The following ITIH4 variants were observed in gnomAD, a reference collection of about 807,000 sequenced individuals.
ITIH4 encodes the protein inter-alpha-trypsin inhibitor heavy chain H4.
Under a neutral mutation model 111.8 loss-of-function variants are expected in ITIH4, and 79 were observed. That is an observed-to-expected ratio of 0.71 (90% CI 0.59 to 0.85). The LOEUF (loss-of-function observed/expected upper bound fraction) is 0.85. Among genes scored for constraint, ITIH4 ranks in the 40% least tolerant of loss-of-function variants. ITIH4 has a pLI of 0.00. For missense variants in ITIH4, 1,065 were observed against 1,195.8 expected, an observed-to-expected ratio of 0.89 and a Z score of 1.61; for synonymous variants, 472 against 468.3, an observed-to-expected ratio of 1.01 and a Z score of -0.10.
Position 52,824,334 on chromosome 3 carries a change from C to G in ITIH4, c.1046-19G>C. ...TTGGTCCCTGAGGAACACGCACTCTCAAGGTGGTCCCCAGCCAGGAGCCCT... is the reference window on the plus strand; with the variant it reads ...TTGGTCCCTGAGGAACACGCACTCTGAAGGTGGTCCCCAGCCAGGAGCCCT... On this transcript the variant is annotated intron_variant, in intron 8 of 23. Transcript: ENST00000266041. The surrounding 1 kb of genome is among the most constrained non-coding windows in gnomAD (Gnocchi z 4.3). 2 of 1,612,310 alleles carry G rather than the reference C, an allele frequency of 1.2e-6. No homozygotes were observed. Among genetic ancestry groups the G allele is most frequent in the Non-Finnish European group, 8.5e-7 (1 of 1,178,636 alleles).
In ITIH4 at chr3:52,819,793, C is replaced by T; in HGVS notation, c.1913-1G>A. 1 of 1,614,124 alleles carries T rather than the reference C, an allele frequency of 6.2e-7. No individual in the cohort carries two copies. The highest frequency in any genetic ancestry group is 8.5e-7 in the Non-Finnish European group (1 of 1,180,012). The stretch of plus-strand genomic sequence containing the variant: ...CCTCTTCTTGGAGAAAAGGAAGCCT[C>T]TGTGTGGTCAAGTCCTGATCAGATA... On this transcript the variant is annotated splice_acceptor_variant, in intron 15 of 23. Transcript: ENST00000266041. LOFTEE classifies it high-confidence loss of function.
chr3:52,829,557 T>C (rs1700536495), intron 1 of ITIH4, among the ~76,000 whole-genome samples: 1 of 152,148 alleles, frequency 6.6e-6, no homozygotes, highest in Non-Finnish European at 1.5e-5. Flanking sequence ...GAGCACCCCT[T>C]GGAGAAGAAC....
At position 52,820,739 on chromosome 3, in the gene ITIH4, G is replaced by A. The variant is rs536029248; in HGVS notation, c.1726C>T (p.Leu576=). 12 of 1,614,070 alleles carry A rather than the reference G, an allele frequency of 7.4e-6. No individual in the cohort carries two copies. The South Asian group carries it at 1.2e-4, about 16-fold the overall frequency. The part of the protein sequence containing the change: ...ADQQALRNQA[L]NLSLAYSFVT... ...AAGCTGTAGGCAAGTGATAAATTCA[G>A]CGCTTGGTTCCGGAGGGCCTGCTGA... Residue 576 remains leucine (L), a synonymous_variant, in exon 13 of 24, where the codon CTG becomes TTG. Transcript: ENST00000266041.
rs1700525979 is a variant in ITIH4, at chr3:52,829,002, TC to T, written c.251+116del. ...GTGTGGCCCCAGGTGCAGGGTGTAC[TC>T]CTGAAGATGTACACCCTGGCATGCC... On this transcript the variant is annotated intron_variant, in intron 2 of 23. Transcript: ENST00000266041. 1.7e-5 allele frequency: 16 copies of T among 919,992 alleles called. No individual in the cohort carries two copies. The South Asian group carries it at 2.8e-4, about 16-fold the overall frequency. 57.0% of individuals were successfully genotyped at this position (919,992 alleles called of 1,614,324 possible). A position where few individuals can be genotyped will look rare whatever the true frequency, so the allele number is the denominator to read the frequency against.
chr3:52,813,938 C>T lies in ITIH4; in HGVS notation c.2723+37G>A, dbSNP rs554804434. The T allele has an allele frequency of 7.0e-6, 11 of 1,561,456 alleles. 1 individual carries two copies. Among genetic ancestry groups the T allele is most frequent in the African/African-American group, 1.4e-5 (1 of 73,586 alleles). Reference sequence around the variant, plus strand: ...CCTGGCCTGCCAGTCCCCACCCCACCCCAGCTGGGCTCAGCGGTCTGCTTG... The same window carrying T: ...CCTGGCCTGCCAGTCCCCACCCCACTCCAGCTGGGCTCAGCGGTCTGCTTG... On this transcript the variant is annotated intron_variant, in intron 23 of 23. Transcript: ENST00000266041.
At chr3:52,817,457 G>A (rs1205502792) in intron 20 of ITIH4, among the ~76,000 whole-genome samples, 1 of 152,230 alleles carries the variant, frequency 6.6e-6, no homozygotes. Flanking sequence ...GAGTGAGGAA[G>A]TGGGTGACAC....
intron 1 of ITIH4, 114 bp from the exon 2 acceptor site, chr3:52,829,393 T>C: frequency 2.6e-6 from 3 of 1,141,002 alleles, no homozygotes. Flanking sequence ...TGGCTCCCAA[T>C]CTGACTGAGC....
chr3:52,820,183 G>T, intron 14 of ITIH4, 108 bp downstream of exon 14: 3 of 1,479,444 alleles, frequency 2.0e-6, no homozygotes, highest in Non-Finnish European at 2.8e-6. Flanking sequence ...GGCTGGAGAG[G>T]CCTGGGTGGA....
Position 52,819,454 on chromosome 3 carries a change from G to A in ITIH4, c.2016C>T (p.Leu672=), listed in dbSNP as rs1700335930. The change falls in exon 17 of 24, where the codon CTC becomes CTT. Residue 672 remains leucine (L), a synonymous_variant. Coordinates refer to ENST00000266041, the MANE Select transcript of ITIH4 (RefSeq NM_002218.5). ...PGVLSSRQLG[L]PGPPDVPDHA... ...GGTCAGGAACATCAGGAGGTCCTGG[G>A]AGTCCAAGTTGCCTGGAGCTGAGAA... 6.2e-7 allele frequency: 1 copy of A among 1,614,034 alleles called. No homozygotes were observed. Among genetic ancestry groups the A allele is most frequent in the Non-Finnish European group, 8.5e-7 (1 of 1,180,018 alleles).
intron 14 of ITIH4, 138 bp downstream of exon 14, chr3:52,820,153 G>A (rs1700352737): frequency 7.5e-7 from 1 of 1,341,900 alleles, no homozygotes. Flanking sequence ...AGATTACACT[G>A]CCTCCTGGCA....
At chr3:52,827,800 G>A (rs1379899916) in intron 2 of ITIH4, among the ~76,000 whole-genome samples, 1 of 152,226 alleles carries the variant, frequency 6.6e-6, no homozygotes, top group Non-Finnish European at 1.5e-5. Context: ...GGACTCCTGG[G>A]TGTGTGGACA....
chr3:52,816,491 C>T (rs1007639701), intron 21 of ITIH4, among the ~76,000 whole-genome samples: 2 of 152,214 alleles, frequency 1.3e-5, no homozygotes, highest in Admixed American at 6.5e-5. Context: ...TATCATCTGA[C>T]GGCAAAGTGC....
At chr3:52,815,027 A>G (rs141290940) in intron 21 of ITIH4, among the ~76,000 whole-genome samples, 1 of 152,310 alleles carries the variant, frequency 6.6e-6, no homozygotes, top group East Asian at 1.9e-4. Context: ...TTTAATGTCT[A>G]AAGGATAGGC....
In ITIH4 at chr3:52,824,015, G is replaced by C. The variant is rs1395054113; in HGVS notation, c.1172-11C>G. 2.6e-6 allele frequency: 4 copies of C among 1,547,498 alleles called. No homozygotes were observed. In the African/African-American group the frequency reaches 5.5e-5, roughly 21 times the overall value. On this transcript the variant is annotated splice_polypyrimidine_tract_variant and intron_variant, in intron 9 of 23. Transcript: ENST00000266041. This position sits in a 1 kb window ranked among gnomAD's most constrained non-coding sequence, Gnocchi z 4.3. Reference sequence around the variant, plus strand: ...TGGGGTTAGTCTCCCCTGGACCCAGGGGTTTGGGATGAGGGTGAGAAAATA... The same window carrying C: ...TGGGGTTAGTCTCCCCTGGACCCAGCGGTTTGGGATGAGGGTGAGAAAATA...
chr3:52,825,165 C>T (rs1174607796), intron 6 of ITIH4: 1 of 394,716 alleles, frequency 2.5e-6, no homozygotes, highest in Non-Finnish European at 4.5e-6. Context: ...GCATAGCCCA[C>T]CAGAACTCTC....
chr3:52,819,323 C>G (rs908707526), intron 17 of ITIH4, 70 bp downstream of exon 17: 2 of 1,589,216 alleles, frequency 1.3e-6, no homozygotes, highest in Admixed American at 3.4e-5. Context: ...TACCCCACCC[C>G]CCTCTATGGG....
chr3:52,827,060 C>T, intron 3 of ITIH4, 33 bp downstream of exon 3: 1 of 1,611,734 alleles, frequency 6.2e-7, no homozygotes, highest in Admixed American at 1.7e-5. Flanking sequence ...TTGTCTAGAC[C>T]CTCCCCACTG....
intron 12 of ITIH4, 25 bp downstream of exon 12, chr3:52,820,965 GC>G (rs773609500): frequency 2.5e-6 from 4 of 1,611,420 alleles, no homozygotes; most frequent in Non-Finnish European, 3.4e-6. Flanking sequence ...CTAGCGACAG[GC>G]TTAGGGAGGT....
At chr3:52,818,840 A>G (rs1044748239) in intron 17 of ITIH4, 1 of 448,294 alleles carries the variant, frequency 2.2e-6, no homozygotes, top group African/African-American at 2.0e-5. Context: ...GTCAGCCTCT[A>G]GAGTATAGTG....
Sources: allele counts gnomAD v4.1 joint callset (sites outside exome capture counted in the v4.1 genomes callset), GRCh38; gene constraint gnomAD v4.1.1; non-coding constraint Gnocchi (gnomAD v3.1); transcripts MANE v1.5; gene names NCBI Gene and HGNC (gene_info 2026-07-23, HGNC 2026-07-21).